The following ELMO1 variants were observed in gnomAD, a reference collection of about 807,000 sequenced individuals.
ELMO1 encodes the protein engulfment and cell motility 1.
Under a neutral mutation model 98.9 loss-of-function variants are expected in ELMO1, and 26 were observed. The observed-to-expected ratio is 0.26, with a 90% CI of 0.19 to 0.36. The LOEUF (loss-of-function observed/expected upper bound fraction) is 0.36. ELMO1 is among the 10% of genes least tolerant of loss of function. ELMO1 has a pLI of 1.00. For synonymous variants in ELMO1, 346 were observed against 346.0 expected, an observed-to-expected ratio of 1.00 and a Z score of 0.00; for missense variants, 627 against 935.2, an observed-to-expected ratio of 0.67 and a Z score of 4.30.
chr7:36,861,344 C>T (rs897688455), intron 21 of ELMO1, among the ~76,000 whole-genome samples: 4 of 152,102 alleles, frequency 2.6e-5, no homozygotes, highest in Admixed American at 6.5e-5. Flanking sequence ...AGACCAAAAA[C>T]GAAAAATTCA....
At chr7:37,188,758 T>C (rs1333512676) in intron 13 of ELMO1, among the ~76,000 whole-genome samples, 1 of 152,156 alleles carries the variant, frequency 6.6e-6, no homozygotes, top group African/African-American at 2.4e-5. Flanking sequence ...TGGAAATCTT[T>C]AAAAACACAA....
intron 14 of ELMO1, among the ~76,000 whole-genome samples, chr7:37,107,603 C>A (rs1350140678): frequency 6.6e-6 from 1 of 152,178 alleles, no homozygotes; most frequent in Non-Finnish European, 1.5e-5. Flanking sequence ...ATCTCCTTCA[C>A]CGGAGTGCAA....
rs1803424735 is a variant in ELMO1, at chr7:36,870,599, G to A, written c.1823-124C>T. The A allele has an allele frequency of 1.6e-5, 14 of 862,044 alleles. No homozygotes were observed. The highest frequency in any genetic ancestry group is 2.1e-5 in the Non-Finnish European group (12 of 573,476). The allele number at this position is 862,044 out of a possible 1,614,324, so 53.4% of individuals were successfully genotyped here. On this transcript the variant is annotated intron_variant, in intron 19 of 21. Coordinates refer to ENST00000310758, the MANE Select transcript of ELMO1 (RefSeq NM_014800.11). The surrounding 1 kb of genome is among the most constrained non-coding windows in gnomAD (Gnocchi z 4.4). The stretch of plus-strand genomic sequence containing the variant: ...CCATTCCCAGAAACTACTGCAAAAA[G>A]AAGAGTGTTGAAAAGAGGAAGAGAA...
intron 4 of ELMO1, among the ~76,000 whole-genome samples, chr7:37,277,446 A>G (rs968668838): frequency 6.6e-6 from 1 of 152,200 alleles, no homozygotes; most frequent in African/African-American, 2.4e-5. Flanking sequence ...GGAACAGAGA[A>G]AAGTCCTATG....
chr7:37,033,058 T>C (rs892248490), intron 15 of ELMO1, among the ~76,000 whole-genome samples: 1 of 152,172 alleles, frequency 6.6e-6, no homozygotes, highest in Non-Finnish European at 1.5e-5. Flanking sequence ...GTGTTTTTCC[T>C]TCAGAATAAT....
At chr7:37,030,773 T>C (rs1794839202) in intron 15 of ELMO1, among the ~76,000 whole-genome samples, 1 of 152,274 alleles carries the variant, frequency 6.6e-6, no homozygotes, top group Middle Eastern at 3.4e-3. Flanking sequence ...TTTCTCACCA[T>C]TCTTTTCTTC....
chr7:37,335,350 G>GAAA (rs56123624), intron 2 of ELMO1, among the ~76,000 whole-genome samples: 24 of 151,982 alleles, frequency 1.6e-4, no homozygotes, highest in Non-Finnish European at 3.2e-4. Flanking sequence ...GGCAAGAGAT[G>GAAA]AAAAAAGACC....
chr7:37,095,674 G>A (rs1043127122), intron 15 of ELMO1, among the ~76,000 whole-genome samples: 4 of 152,120 alleles, frequency 2.6e-5, no homozygotes, highest in Non-Finnish European at 5.9e-5. Flanking sequence ...AGCAGTACCT[G>A]TAGTCAGTTC....
In ELMO1 at chr7:37,086,765, A is replaced by AAAAAAAAAAAAG. The variant is rs1491293564; in HGVS notation, c.1300+9853_1300+9854insCTTTTTTTTTTT. 6.3e-5 allele frequency among the ~76,000 whole-genome samples: 9 copies of AAAAAAAAAAAAG among 142,560 alleles called. 1 individual carries two copies. Among genetic ancestry groups the AAAAAAAAAAAAG allele is most frequent in the Admixed American group, 2.8e-4 (4 of 14,154 alleles). 93.5% of individuals were successfully genotyped at this position (142,560 alleles called of 152,430 possible). ...CTCCAAAAAAAAAAAAAAAAAAAAA[A>AAAAAAAAAAAAG]GAAATCTTTGAACTTTCTTGCCAAA... On this transcript the variant is annotated intron_variant, in intron 15 of 21. Transcript: ENST00000310758.
At chr7:37,264,046 A>G (rs1796119190) in intron 5 of ELMO1, among the ~76,000 whole-genome samples, 1 of 152,236 alleles carries the variant, frequency 6.6e-6, no homozygotes, top group Admixed American at 6.5e-5. Context: ...ATCATATAGA[A>G]CTACATATGG....
chr7:37,245,358 G>C (rs1794947939), intron 6 of ELMO1, among the ~76,000 whole-genome samples: 2 of 152,184 alleles, frequency 1.3e-5, no homozygotes, highest in Non-Finnish European at 2.9e-5. Context: ...CACATCCAGA[G>C]TAGGGACTGA....
chr7:37,044,891 T>C (rs1395190628), intron 15 of ELMO1, among the ~76,000 whole-genome samples: 1 of 152,252 alleles, frequency 6.6e-6, no homozygotes, highest in Non-Finnish European at 1.5e-5. Context: ...AGCAGCTATG[T>C]GCTGTCACTT....
intron 15 of ELMO1, among the ~76,000 whole-genome samples, chr7:37,030,652 G>A (rs1794830392): frequency 6.6e-6 from 1 of 152,064 alleles, no homozygotes; most frequent in Admixed American, 6.5e-5. Flanking sequence ...CACTAATACT[G>A]GAGAAGAGAT....
At chr7:37,445,986 C>T (rs1030996425) in intron 1 of ELMO1, among the ~76,000 whole-genome samples, 1 of 152,218 alleles carries the variant, frequency 6.6e-6, no homozygotes, top group Non-Finnish European at 1.5e-5. Flanking sequence ...CAAGGAATCA[C>T]CTCTCTGTTC....
chr7:37,061,979 G>C (rs2129214429), intron 15 of ELMO1, among the ~76,000 whole-genome samples: 1 of 152,190 alleles, frequency 6.6e-6, no homozygotes, highest in South Asian at 2.1e-4. Flanking sequence ...ACCCTGGCTG[G>C]GTTATATTTC....
rs3054220 is a variant in ELMO1 at position 37,305,470 on chromosome 7, A to G, written c.192+9380T>C. Among the ~76,000 whole-genome samples, 186 of 101,576 alleles carry G rather than the reference A, an allele frequency of 1.8e-3. 1 individual carries two copies. Among genetic ancestry groups the G allele is most frequent in the East Asian group, 0.013 (43 of 3,370 alleles). 66.6% of individuals were successfully genotyped at this position (101,576 alleles called of 152,430 possible). ...AGTGTGTGTGTGTGTGTGTGTGTGT[A>G]TGTGCATATTTCTTTTCAAAAGGTA... On this transcript the variant is annotated intron_variant, in intron 4 of 21. Coordinates refer to ENST00000310758, the MANE Select transcript of ELMO1 (RefSeq NM_014800.11).
intron 19 of ELMO1, among the ~76,000 whole-genome samples, chr7:36,875,197 C>T (rs1367203855): frequency 6.6e-6 from 1 of 152,104 alleles, no homozygotes; most frequent in Admixed American, 6.5e-5. Flanking sequence ...AGGCAGAATG[C>T]AGAATTGGAA....
intron 17 of ELMO1, 31 bp downstream of exon 17, chr7:36,894,823 G>C: frequency 1.2e-6 from 2 of 1,613,538 alleles, no homozygotes; most frequent in Non-Finnish European, 1.7e-6. Context: ...AGAGTCTTTT[G>C]GGAGATAGAA....
chr7:37,389,153 TAGAG>T (rs1413990853), intron 1 of ELMO1, among the ~76,000 whole-genome samples: 1 of 152,106 alleles, frequency 6.6e-6, no homozygotes, highest in Non-Finnish European at 1.5e-5. Flanking sequence ...AGCAGCAAAT[TAGAG>T]AGGGCTAATT....
Sources: allele counts gnomAD v4.1 joint callset (sites outside exome capture counted in the v4.1 genomes callset), GRCh38; gene constraint gnomAD v4.1.1; non-coding constraint Gnocchi (gnomAD v3.1); transcripts MANE v1.5; gene names NCBI Gene and HGNC (gene_info 2026-07-23, HGNC 2026-07-21).